Variants in MTCH2 observed in about 807,000 individuals in gnomAD.
The protein encoded by MTCH2 is mitochondrial carrier 2.
Under a neutral mutation model 50.6 loss-of-function variants are expected in MTCH2, and 25 were observed. The observed-to-expected ratio is 0.49, with a 90% CI of 0.36 to 0.69. The LOEUF (loss-of-function observed/expected upper bound fraction) is 0.69. MTCH2 is among the 30% of genes least tolerant of loss of function. The pLI is 0.00. For synonymous variants in MTCH2, 106 were observed against 132.0 expected, an observed-to-expected ratio of 0.80 and a Z score of 1.35; for missense variants, 273 against 384.4, an observed-to-expected ratio of 0.71 and a Z score of 2.42.
chr11:47,638,939 CA>C, intron 2 of MTCH2, 27 bp downstream of exon 2: 1 of 1,598,532 alleles, frequency 6.3e-7, no homozygotes, highest in South Asian at 1.1e-5. Flanking sequence ...CAACGTCATG[CA>C]AACCCAAATA....
chr11:47,632,416 C>A (rs1286710792), intron 5 of MTCH2, among the ~76,000 whole-genome samples: 4 of 150,752 alleles, frequency 2.7e-5, no homozygotes, highest in Non-Finnish European at 1.5e-5. Flanking sequence ...TGCAGTGGCG[C>A]GAACTCGGTT....
intron 5 of MTCH2, among the ~76,000 whole-genome samples, chr11:47,634,038 CAT>C (rs761701787): frequency 3.9e-5 from 6 of 152,106 alleles, no homozygotes; most frequent in Non-Finnish European, 7.4e-5. Context: ...AGCCTTTCTG[CAT>C]AGATACTATC....
chr11:47,619,769 C>T (rs2097291499), intron 12 of MTCH2, among the ~76,000 whole-genome samples: 1 of 152,024 alleles, frequency 6.6e-6, no homozygotes, highest in East Asian at 1.9e-4. Flanking sequence ...GGCAAAACCC[C>T]GTTGCTACAA....
the MTCH2 span, among the ~76,000 whole-genome samples, chr11:47,607,931 A>T: frequency 1.3e-5 from 2 of 152,214 alleles, no homozygotes; most frequent in East Asian, 1.9e-4. Context: ...CCCTCCTCTC[A>T]TTAAGATTCA....
chr11:47,635,241 C>T (rs950854992), intron 4 of MTCH2, among the ~76,000 whole-genome samples: 9 of 152,082 alleles, frequency 5.9e-5, no homozygotes, highest in Admixed American at 2.0e-4. Context: ...CACCAGGCCC[C>T]GCTAATCTTT....
Position 47,630,592 on chromosome 11 carries a change from T to C in MTCH2, c.502A>G (p.Thr168Ala). 6.2e-7 allele frequency: 1 copy of C among 1,612,840 alleles called. No individual in the cohort carries two copies. Among genetic ancestry groups the C allele is most frequent in the Non-Finnish European group, 8.5e-7 (1 of 1,178,880 alleles). The change falls in exon 8 of 13, where the codon ACC (threonine) becomes GCC (alanine). Residue 168 changes from threonine to alanine, a missense_variant. Physicochemically the swap from Thr to Ala is moderately conservative, Grantham distance 58. Around this residue, in one of 2 missense-constraint regions of MTCH2, gnomAD observed 203 missense variants for 244.3 expected, o/e 0.83. Transcript: ENST00000302503. ...KYCGLCDSII[T>A]IYREEGILGF... ...AGAATGCCCTCTTCCCGATAGATGG[T>C]TATTATGGAATCACAAAGTCCACTA...
At chr11:47,620,685 G>C (rs1390904572) in intron 12 of MTCH2, among the ~76,000 whole-genome samples, 1 of 152,106 alleles carries the variant, frequency 6.6e-6, no homozygotes, top group African/African-American at 2.4e-5. Context: ...TAAAAATAAA[G>C]TAATAATGTT....
rs1212959734 is a variant in MTCH2 at position 47,627,195 on chromosome 11, C to T, written c.634-68G>A. The T allele has an allele frequency of 4.9e-6, 6 of 1,229,356 alleles. No individual in the cohort carries two copies. The Admixed American group carries it at 1.2e-4, about 26-fold the overall frequency. The allele number at this position is 1,229,356 out of a possible 1,614,324, so 76.2% of individuals were successfully genotyped here. A position where few individuals can be genotyped will look rare whatever the true frequency, so the allele number is the denominator to read the frequency against. ...ACAACACATCAATATATTCTTTTTTCCTTTTCTTTTCTTTTCTTTTTTTCT... is the reference window on the plus strand; with the variant it reads ...ACAACACATCAATATATTCTTTTTTTCTTTTCTTTTCTTTTCTTTTTTTCT... On this transcript the variant is annotated intron_variant, in intron 9 of 12. Transcript: ENST00000302503.
intron 8 of MTCH2, among the ~76,000 whole-genome samples, chr11:47,630,127 C>A (rs1196907042): frequency 6.6e-6 from 1 of 152,148 alleles, no homozygotes; most frequent in Non-Finnish European, 1.5e-5. Flanking sequence ...CTCCCGGGTT[C>A]ATGCAATTCT....
At chr11:47,631,559 G>T in intron 6 of MTCH2, 95 bp downstream of exon 6, 1 of 1,209,470 alleles carries the variant, frequency 8.3e-7, no homozygotes, top group Non-Finnish European at 1.2e-6. Context: ...AAACATGCAG[G>T]CAAGGCATTT....
At chr11:47,604,991 C>T in the MTCH2 span, among the ~76,000 whole-genome samples, 2 of 151,720 alleles carry the variant, frequency 1.3e-5, no homozygotes, top group Admixed American at 6.6e-5. Flanking sequence ...AGTGCAGTGG[C>T]GAGATCTTGG....
At chr11:47,635,359 G>C (rs12422057) in intron 4 of MTCH2, among the ~76,000 whole-genome samples, 186 bp downstream of exon 4, 1 of 152,178 alleles carries the variant, frequency 6.6e-6, no homozygotes, top group African/African-American at 2.4e-5. Flanking sequence ...ACAGGCATGA[G>C]CCACCATGCC....
At chr11:47,638,669 A>G in intron 3 of MTCH2, 30 bp downstream of exon 3, 1 of 1,276,578 alleles carries the variant, frequency 7.8e-7, no homozygotes, top group Non-Finnish European at 1.0e-6. Context: ...AGCAACATCT[A>G]TGGGAAGATT....
chr11:47,618,040 T>C lies in MTCH2; in HGVS notation c.*793A>G, dbSNP rs1423770539. ...AGAAGGGGGTTACTCCTGCAGGATCTGCTTTTCATATTTTATGTGAAAACA... is the reference window on the plus strand; with the variant it reads ...AGAAGGGGGTTACTCCTGCAGGATCCGCTTTTCATATTTTATGTGAAAACA... On this transcript the variant is annotated 3_prime_UTR_variant, in exon 13 of 13. Transcript: ENST00000302503. 1 of 152,266 alleles carries C rather than the reference T, an allele frequency of 6.6e-6. No individual in the cohort carries two copies. Among genetic ancestry groups the C allele is most frequent in the Non-Finnish European group, 1.5e-5 (1 of 68,062 alleles). 9.4% of individuals were successfully genotyped at this position (152,266 alleles called of 1,614,324 possible).
intron 6 of MTCH2, among the ~76,000 whole-genome samples, 154 bp from the exon 7 acceptor site, chr11:47,631,241 T>G (rs921333463): frequency 2.0e-5 from 3 of 152,042 alleles, no homozygotes; most frequent in Non-Finnish European, 4.4e-5. Context: ...AAGCCCCATC[T>G]CTACTAAAAA....
downstream of MTCH2, among the ~76,000 whole-genome samples, chr11:47,615,966 CTTT>C (rs1331075670): frequency 5.3e-5 from 8 of 151,764 alleles, no homozygotes; most frequent in Non-Finnish European, 1.5e-5. Context: ...CCCATACCTT[CTTT>C]ATTTTTAAGA....
At chr11:47,612,280 TG>T in the MTCH2 span, among the ~76,000 whole-genome samples, 1 of 151,780 alleles carries the variant, frequency 6.6e-6, no homozygotes, top group Non-Finnish European at 1.5e-5. Context: ...ATTAGCCAGA[TG>T]TGTGGGCCGG....
At chr11:47,629,119 G>A in intron 8 of MTCH2, 73 bp from the exon 9 acceptor site, 1 of 1,279,178 alleles carries the variant, frequency 7.8e-7, no homozygotes. Context: ...CAGTACAAAT[G>A]TTTGTCAAAT....
intron 8 of MTCH2, among the ~76,000 whole-genome samples, chr11:47,630,203 T>C (rs199530931): frequency 2.6e-5 from 4 of 152,054 alleles, no homozygotes; most frequent in African/African-American, 9.7e-5. Flanking sequence ...GGTGGGGTTT[T>C]ACCATGTTGG....
Sources: gnomAD v4.1 joint callset for allele counts (sites outside exome capture counted in the v4.1 genomes callset) on GRCh38, gnomAD v4.1.1 for gene constraint, gnomAD v4.1.1 regional missense constraint, MANE v1.5 for transcripts, NCBI Gene and HGNC (gene_info 2026-07-23, HGNC 2026-07-21) for gene names.